The following ATP11C variants were observed in gnomAD, a reference collection of about 807,000 sequenced individuals.
ATP11C encodes the protein phospholipid-transporting ATPase IG.
A neutral mutation model predicts 97.4 loss-of-function variants in ATP11C; 36 were observed. That is an observed-to-expected ratio of 0.37 (90% CI 0.28 to 0.49). The LOEUF is 0.49. Among genes scored for constraint, ATP11C ranks in the 20% least tolerant of loss-of-function variants. ATP11C has a pLI of 0.98. For synonymous variants in ATP11C, 275 were observed against 290.9 expected (o/e 0.95, Z 0.56); for missense variants, 730 against 824.6 (o/e 0.89, Z 1.40).
rs185013366 is a variant in ATP11C, at chrX:139,762,086, G to A, written c.2515C>T (p.Arg839Cys). ...TAATCGCTATTCCTAGCTGCTTGGC[G>A]ACCTTCTTTGCCTTTAATACCTAAA... ...VGIGIKGKEG[R>C]QAARNSDYSV... is the part of the protein sequence containing the mutation. The change falls in exon 22 of 30, where the codon CGC (arginine) becomes TGC (cysteine). Residue 839 changes from arginine to cysteine, a missense_variant. Coordinates refer to ENST00000682941, the MANE Select transcript of ATP11C (RefSeq NM_001353812.2). 6 of 1,203,249 alleles carry A rather than the reference G, an allele frequency of 5.0e-6. No homozygotes were observed. The highest frequency in any genetic ancestry group is 3.6e-5 in the South Asian group (2 of 55,657).
At chrX:139,936,687 C>G (rs2085516094), upstream of ATP11C, among the ~76,000 whole-genome samples, 1 of 111,129 alleles carries the variant, frequency 9.0e-6, no homozygotes, top group African/African-American at 3.3e-5. Flanking sequence ...GCTCTTCTTC[C>G]CTATTGTCCC....
chrX:139,909,418 T>G (rs2085033588), intron 1 of ATP11C, among the ~76,000 whole-genome samples: 1 of 110,944 alleles, frequency 9.0e-6, no homozygotes, highest in Non-Finnish European at 1.9e-5. Context: ...CATGAGTGAG[T>G]TATTGCGCCC....
chrX:139,742,872 AAAAAATATATATATAT>A (rs1259578620), intron 26 of ATP11C, among the ~76,000 whole-genome samples: 193 of 24,218 alleles, frequency 8.0e-3, no homozygotes, highest in South Asian at 0.05. Flanking sequence ...ATTAAAAAAA[AAAAAATATATATATAT>A]ATATATATAT....
chrX:139,814,346 T>A (rs1364749451), intron 5 of ATP11C, among the ~76,000 whole-genome samples: 1 of 111,464 alleles, frequency 9.0e-6, no homozygotes, highest in Admixed American at 9.6e-5. Context: ...CATTAAAAAG[T>A]TAAACACGTA....
At chrX:139,920,134 C>T (rs1245382488) in intron 1 of ATP11C, among the ~76,000 whole-genome samples, 1 of 110,471 alleles carries the variant, frequency 9.1e-6, no homozygotes, top group South Asian at 3.9e-4. Flanking sequence ...CCGAGCCGGG[C>T]GGATGACCTG....
At chrX:139,869,858 G>A (rs1368162732) in intron 1 of ATP11C, among the ~76,000 whole-genome samples, 9 of 80,903 alleles carry the variant, frequency 1.1e-4, no homozygotes, top group Non-Finnish European at 7.0e-5. Context: ...CGTGGGAAAT[G>A]AAGAGATAAT....
At chrX:139,750,969 CA>C (rs1428137191) in intron 23 of ATP11C, among the ~76,000 whole-genome samples, 1 of 112,189 alleles carries the variant, frequency 8.9e-6, no homozygotes. Flanking sequence ...GATTGTCAAA[CA>C]AACATTTTCT....
chrX:139,874,527 CA>C (rs1442967984), intron 1 of ATP11C, among the ~76,000 whole-genome samples: 1 of 111,870 alleles, frequency 8.9e-6, no homozygotes, highest in Admixed American at 9.5e-5. Context: ...CCCATTTTGG[CA>C]AAAGTGCAAG....
chrX:139,863,869 G>A (rs1411426055), intron 1 of ATP11C, among the ~76,000 whole-genome samples: 3 of 111,006 alleles, frequency 2.7e-5, no homozygotes, highest in African/African-American at 6.6e-5. Context: ...TGAGACCAGC[G>A]TGGGCAACAT....
In ATP11C at chrX:139,726,946, C is replaced by A. The variant is rs2081263147; in HGVS notation, c.*2020G>T. ...GGAAAGCCAGGTCCCTCTCAAGGAT[C>A]TAGGCCATGATATCATGTATCATTG... On this transcript the variant is annotated 3_prime_UTR_variant, in exon 30 of 30. Coordinates refer to ENST00000682941, the MANE Select transcript of ATP11C (RefSeq NM_001353812.2). The A allele has an allele frequency of 9.0e-6, 1 of 111,715 alleles. No individual in the cohort carries two copies. The highest frequency in any genetic ancestry group is 1.9e-5 in the Non-Finnish European group (1 of 53,070). 9.2% of individuals were successfully genotyped at this position (111,715 alleles called of 1,213,427 possible).
chrX:139,803,425 T>C (rs1025528133), intron 6 of ATP11C, among the ~76,000 whole-genome samples: 2 of 110,786 alleles, frequency 1.8e-5, no homozygotes, highest in Non-Finnish European at 3.8e-5. Context: ...TCCAAGGACA[T>C]ACCCAGAGGT....
At chrX:139,841,416 G>A (rs1346109247) in intron 1 of ATP11C, among the ~76,000 whole-genome samples, 2 of 112,635 alleles carry the variant, frequency 1.8e-5, no homozygotes, top group African/African-American at 3.2e-5. Flanking sequence ...TAAGACCAAA[G>A]AATTGTTTCT....
chrX:139,761,999 C>T lies in ATP11C; in HGVS notation c.2602G>A (p.Val868Met), dbSNP rs1452463514. The change falls in exon 22 of 30, where the codon GTG (valine) becomes ATG (methionine). Residue 868 changes from valine to methionine, a missense_variant. By Grantham distance (21) the Val-to-Met change is conservative. Coordinates refer to ENST00000682941, the MANE Select transcript of ATP11C (RefSeq NM_001353812.2). Reference protein sequence around the residue: ...LLLAHGHLYYVRIAHLVQYFF... With the variant: ...LLLAHGHLYYMRIAHLVQYFF... ...TACTGTACAAGGTGTGCTATTCTCACATAATATAGATGTCCATGAGCCAAC... is the reference window on the plus strand; with the variant it reads ...TACTGTACAAGGTGTGCTATTCTCATATAATATAGATGTCCATGAGCCAAC... 2.5e-6 allele frequency: 3 copies of T among 1,202,218 alleles called. No individual in the cohort carries two copies. The highest frequency in any genetic ancestry group is 4.4e-5 in the Admixed American group (2 of 45,959).
chrX:139,755,762 T>C (rs757873706), intron 23 of ATP11C, among the ~76,000 whole-genome samples: 4 of 111,970 alleles, frequency 3.6e-5, no homozygotes, highest in Non-Finnish European at 7.5e-5. Context: ...CTAGGATAAC[T>C]TGCTAGCCAC....
Position 139,866,572 on chromosome X carries a change from G to A in ATP11C, c.28-39749C>T, listed in dbSNP as rs1385734565. ...GTCTCTACAAAAAATAAAACAAGTA[G>A]CCGGACATGGTGGCACACACCTGTA... On this transcript the variant is annotated intron_variant, in intron 1 of 29. Transcript: ENST00000682941. Among the ~76,000 whole-genome samples, 3 of 109,471 alleles carry A rather than the reference G, an allele frequency of 2.7e-5. No homozygotes were observed. In the Admixed American group the frequency reaches 3.0e-4, roughly 11 times the overall value.
Position 139,763,320 on chromosome X carries a change from T to A in ATP11C, c.2490A>T (p.Gly830=). 1 of 1,198,571 alleles carries A rather than the reference T, an allele frequency of 8.3e-7. No homozygotes were observed. The highest frequency in any genetic ancestry group is 1.1e-6 in the Non-Finnish European group (1 of 883,292). The change falls in exon 21 of 30, where the codon GGA becomes GGT. Residue 830 remains glycine (G), a synonymous_variant. Transcript: ENST00000682941. ...DVSMILESHV[G]IGIKGKEGRQ... is the part of the protein sequence containing the mutation. The stretch of plus-strand genomic sequence containing the variant: ...ATCTCATTAGATGTATCTTACCTAT[T>A]CCCACATGGGATTCCAAGATCATAC...
chrX:139,798,129 C>T (rs185888773), intron 10 of ATP11C, 144 bp downstream of exon 10: 1 of 490,581 alleles, frequency 2.0e-6, no homozygotes, highest in East Asian at 3.8e-5. Flanking sequence ...TCATTGAGCA[C>T]AGTTTCTGGT....
intron 1 of ATP11C, among the ~76,000 whole-genome samples, chrX:139,840,425 A>AT (rs2083809536): frequency 1.8e-5 from 2 of 112,644 alleles, no homozygotes; most frequent in Admixed American, 1.9e-4. Flanking sequence ...CAGTATTCAG[A>AT]TTCATCATTT....
intron 23 of ATP11C, among the ~76,000 whole-genome samples, chrX:139,756,042 C>G (rs1415537485): frequency 8.9e-6 from 1 of 112,070 alleles, no homozygotes; most frequent in Admixed American, 9.5e-5. Flanking sequence ...AACTGACAAC[C>G]TACAAAATGG....
Sources: gnomAD v4.1 joint callset for allele counts (sites outside exome capture counted in the v4.1 genomes callset) on GRCh38, gnomAD v4.1.1 for gene constraint, MANE v1.5 for transcripts, NCBI Gene and HGNC (gene_info 2026-07-23, HGNC 2026-07-21) for gene names.